ZNF583: variants seen among roughly 807,000 people sequenced by gnomAD.
ZNF583 encodes the protein zinc finger protein L3-5.
Under a neutral mutation model 55.3 loss-of-function variants are expected in ZNF583, and 30 were observed. The observed-to-expected ratio is 0.54, with a 90% confidence interval of 0.41 to 0.74. The LOEUF (loss-of-function observed/expected upper bound fraction) is 0.74. ZNF583 is among the 30% of genes least tolerant of loss of function. The pLI is 0.00. For missense variants in ZNF583, 504 were observed against 664.7 expected (o/e 0.76, Z 2.66); for synonymous variants, 208 against 220.0 (o/e 0.95, Z 0.48).
At chr19:56,406,264 T>C (rs910838552) in intron 1 of ZNF583, among the ~76,000 whole-genome samples, 2 of 152,208 alleles carry the variant, frequency 1.3e-5, no homozygotes, top group Non-Finnish European at 2.9e-5. Flanking sequence ...AATTTCACTT[T>C]GTAGCTTTAT....
intron 4 of ZNF583, among the ~76,000 whole-genome samples, chr19:56,418,653 CA>C (rs1205199353): frequency 2.0e-5 from 3 of 152,100 alleles, no homozygotes; most frequent in South Asian, 2.1e-4. Flanking sequence ...GTTGCCCTCA[CA>C]GTTATTTTGT....
Position 56,423,669 on chromosome 19 carries a change from A to G in ZNF583, c.1011A>G (p.Ser337=), listed in dbSNP as rs1238609057. The G allele has an allele frequency of 5.6e-6, 9 of 1,613,958 alleles. No individual in the cohort carries two copies. In the Admixed American group the frequency reaches 1.5e-4, roughly 27 times the overall value. The change falls in exon 5 of 5, where the codon TCA becomes TCG. Residue 337 remains serine (S), a synonymous_variant. Transcript: ENST00000333201. ...IECGKAFSNG[S]FLAQHQRIHT... is the part of the protein sequence containing the mutation. ...GTGGAAAGGCCTTTAGTAATGGTTC[A>G]TTTCTTGCTCAGCATCAGAGAATTC...
chr19:56,422,151 A>G (rs987926693), intron 4 of ZNF583, among the ~76,000 whole-genome samples: 1 of 152,174 alleles, frequency 6.6e-6, no homozygotes, highest in African/African-American at 2.4e-5. Flanking sequence ...AGTTTCATAA[A>G]CCAAGGTAGG....
At position 56,424,209 on chromosome 19, in the gene ZNF583, A is replaced by C. The variant is rs1347578223; in HGVS notation, c.1551A>C (p.Glu517Asp). The C allele has an allele frequency of 1.1e-5, 18 of 1,613,952 alleles. No individual in the cohort carries two copies. Among genetic ancestry groups the C allele is most frequent in the Non-Finnish European group, 1.5e-5 (18 of 1,179,978 alleles). The change falls in exon 5 of 5, where the codon GAA (glutamate) becomes GAC (aspartate). Residue 517 changes from glutamate to aspartate, a missense_variant. Glu to Asp is a conservative substitution (Grantham distance 45). Around this residue, in one of 3 missense-constraint regions of ZNF583, gnomAD observed 237 missense variants for 373.0 expected, o/e 0.64. Transcript: ENST00000333201. ...TACATCAGAGAATTCATACTGGAGA[A>C]AGACCCTATGAATGTAAAGATTGCA... ...LTLHQRIHTG[E>D]RPYECKDCRK...
rs756662404 is a variant in ZNF583, at chr19:56,424,310, C to T, written c.1652C>T (p.Ser551Phe). 3.1e-6 allele frequency: 5 copies of T among 1,605,370 alleles called. No individual in the cohort carries two copies. Among genetic ancestry groups the T allele is most frequent in the Non-Finnish European group, 4.3e-6 (5 of 1,172,284 alleles). Residue 551 changes from serine to phenylalanine, a missense_variant, in exon 5 of 5, where the codon TCC (serine) becomes TTC (phenylalanine). Physicochemically the swap from Ser to Phe is radical, Grantham distance 155. This residue lies in a region of ZNF583 where 63 missense variants were observed against 56.5 expected (regional missense o/e 1.11). Transcript: ENST00000333201. ...IHTMESFLTL[S>F]SPSPSTSNQL... ...ACTATGGAGTCATTCTTGACTCTTT[C>T]CTCTCCCTCACCCTCCACATCAAAT...
At position 56,415,182 on chromosome 19, in the gene ZNF583, G is replaced by A. The variant is rs190129986; in HGVS notation, c.232+742G>A. On this transcript the variant is annotated intron_variant, in intron 4 of 4. Transcript: ENST00000333201. The stretch of plus-strand genomic sequence containing the variant: ...AGAAGAGGATTCTGCTAAATTCTTG[G>A]GATTATTCAGAGGCTTATACACCAA... 1.7e-3 allele frequency among the ~76,000 whole-genome samples: 252 copies of A among 151,778 alleles called. 1 individual carries two copies. Among genetic ancestry groups the A allele is most frequent in the Non-Finnish European group, 2.4e-3 (166 of 67,942 alleles).
chr19:56,416,800 A>G (rs1393901980), intron 4 of ZNF583, among the ~76,000 whole-genome samples: 1 of 152,082 alleles, frequency 6.6e-6, no homozygotes, highest in Non-Finnish European at 1.5e-5. Context: ...TAAATTGTAC[A>G]GTTTGATGAC....
intron 4 of ZNF583, among the ~76,000 whole-genome samples, chr19:56,417,711 C>G (rs978434132): frequency 6.6e-6 from 1 of 152,102 alleles, no homozygotes; most frequent in Non-Finnish European, 1.5e-5. Flanking sequence ...CTTCTTATAT[C>G]TAAGAAATTC....
chr19:56,422,087 TAAGC>T (rs904476206), intron 4 of ZNF583, among the ~76,000 whole-genome samples: 3 of 152,034 alleles, frequency 2.0e-5, no homozygotes, highest in Non-Finnish European at 4.4e-5. Context: ...TGAAGTGGAG[TAAGC>T]AAGCAAGGGA....
At chr19:56,420,491 T>G (rs919547009) in intron 4 of ZNF583, among the ~76,000 whole-genome samples, 3 of 152,216 alleles carry the variant, frequency 2.0e-5, no homozygotes, top group African/African-American at 2.4e-5. Context: ...CCTAGTTTTG[T>G]CAGTTTCTGA....
intron 4 of ZNF583, among the ~76,000 whole-genome samples, chr19:56,420,700 G>A (rs907262354): frequency 1.3e-5 from 2 of 151,996 alleles, no homozygotes; most frequent in African/African-American, 4.8e-5. Flanking sequence ...TTTATCTGAC[G>A]TGAATATAGT....
At chr19:56,421,293 A>T (rs201066157) in intron 4 of ZNF583, 1 of 45,370 alleles carries the variant, frequency 2.2e-5, no homozygotes, top group Non-Finnish European at 4.0e-5. Context: ...AATGAGAATT[A>T]GTGTTTTTAC....
In ZNF583 at chr19:56,424,692, A is replaced by G. The variant is rs983314565; in HGVS notation, c.*324A>G. On this transcript the variant is annotated 3_prime_UTR_variant, in exon 5 of 5. Coordinates refer to ENST00000333201, the MANE Select transcript of ZNF583 (RefSeq NM_152478.3). ...AAGTTTCTATCTTGTGTCACTATCC[A>G]TCTCATTCTCTGAATACTTATCCAG... 1.5e-4 allele frequency: 34 copies of G among 219,492 alleles called. No homozygotes were observed. Among genetic ancestry groups the G allele is most frequent in the African/African-American group, 6.0e-4 (26 of 43,602 alleles). 13.6% of individuals were successfully genotyped at this position (219,492 alleles called of 1,614,324 possible). A position where few individuals can be genotyped will look rare whatever the true frequency, so the allele number is the denominator to read the frequency against.
At chr19:56,413,533 A>C (rs1483170664) in intron 2 of ZNF583, among the ~76,000 whole-genome samples, 4 of 152,228 alleles carry the variant, frequency 2.6e-5, no homozygotes, top group Non-Finnish European at 5.9e-5. Context: ...GTTTGGAAAA[A>C]TGCCAGATTC....
At chr19:56,422,430 T>C (rs2042430185) in intron 4 of ZNF583, among the ~76,000 whole-genome samples, 1 of 152,184 alleles carries the variant, frequency 6.6e-6, no homozygotes, top group Non-Finnish European at 1.5e-5. Flanking sequence ...CCATAGAGTT[T>C]TATGAACAAT....
At position 56,423,215 on chromosome 19, in the gene ZNF583, A is replaced by G. The variant is rs957706008; in HGVS notation, c.557A>G (p.His186Arg). 7.4e-6 allele frequency: 12 copies of G among 1,613,150 alleles called. No homozygotes were observed. The Middle Eastern group carries it at 4.9e-4, about 67-fold the overall frequency. The change falls in exon 5 of 5, where the codon CAT (histidine) becomes CGT (arginine). Residue 186 changes from histidine to arginine, a missense_variant. By Grantham distance (29) the His-to-Arg change is conservative. This residue lies in a region of ZNF583 where 204 missense variants were observed against 235.2 expected (regional missense o/e 0.87). Transcript: ENST00000333201. ...SFPTKEKAHK[H>R]EPQKKSYRKK... ...CCCACCAAAGAAAAAGCACATAAGC[A>G]TGAACCACAAAAGAAAAGTTACCGA...
rs923043934 is a variant in ZNF583 at position 56,426,304 on chromosome 19, C to T, written c.*1936C>T. 6.6e-6 allele frequency: 1 copy of T among 152,068 alleles called. No homozygotes were observed. The highest frequency in any genetic ancestry group is 1.9e-4 in the East Asian group (1 of 5,184). The allele number at this position is 152,068 out of a possible 1,614,324, so 9.4% of individuals were successfully genotyped here. A position where few individuals can be genotyped will look rare whatever the true frequency, so the allele number is the denominator to read the frequency against. The stretch of plus-strand genomic sequence containing the variant: ...CATATGTGAAAGTTACTTTCAAGTG[C>T]TTTATCTAAATGTGGAACAAACAGT... On this transcript the variant is annotated 3_prime_UTR_variant, in exon 5 of 5. Coordinates refer to ENST00000333201, the MANE Select transcript of ZNF583 (RefSeq NM_152478.3).
chr19:56,410,761 G>A (rs1306597865), intron 2 of ZNF583, among the ~76,000 whole-genome samples: 1 of 152,026 alleles, frequency 6.6e-6, no homozygotes, highest in Non-Finnish European at 1.5e-5. Context: ...AATAAGCATG[G>A]GGGTTAGTAA....
chr19:56,424,264 G>A lies in ZNF583; in HGVS notation c.1606G>A (p.Ala536Thr), dbSNP rs1379047314. The change falls in exon 5 of 5, where the codon GCT becomes ACT. Residue 536 changes from alanine to threonine, a missense_variant. Ala to Thr is a moderately conservative substitution (Grantham distance 58). This residue lies in a region of ZNF583 where 63 missense variants were observed against 56.5 expected (regional missense o/e 1.11). Coordinates refer to ENST00000333201, the MANE Select transcript of ZNF583 (RefSeq NM_152478.3). ...ATCTTTCAGGCAGCGTGCACATCTT[G>A]CTCATCATGAGAGAATTCATACTAT... is the stretch of plus-strand genomic sequence containing the variant. ...RKSFRQRAHL[A>T]HHERIHTMES... 1 of 1,613,832 alleles carries A rather than the reference G, an allele frequency of 6.2e-7. No individual in the cohort carries two copies. The highest frequency in any genetic ancestry group is 8.5e-7 in the Non-Finnish European group (1 of 1,179,974).
Sources: allele counts gnomAD v4.1 joint callset (sites outside exome capture counted in the v4.1 genomes callset), GRCh38; gene constraint gnomAD v4.1.1; regional missense constraint gnomAD v4.1.1; transcripts MANE v1.5; gene names NCBI Gene and HGNC (gene_info 2026-07-23, HGNC 2026-07-21).